FAM13B: variants seen among roughly 807,000 people sequenced by gnomAD.
FAM13B encodes the protein protein FAM13B.
Under a neutral mutation model 117.3 loss-of-function variants are expected in FAM13B, and 60 were observed. The observed-to-expected ratio is 0.51, with a 90% CI of 0.42 to 0.63. FAM13B has a LOEUF of 0.63. Among genes scored for constraint, FAM13B ranks in the 30% least tolerant of loss-of-function variants. The probability of loss-of-function intolerance (pLI) is 0.00; values close to 1 mark genes in which losing one functional copy is unlikely to be tolerated. For synonymous variants in FAM13B, 332 were observed against 356.1 expected, an observed-to-expected ratio of 0.93 and a Z score of 0.76; for missense variants, 972 against 1,091.9, an observed-to-expected ratio of 0.89 and a Z score of 1.55.
intron 14 of FAM13B, among the ~76,000 whole-genome samples, chr5:137,955,655 G>T (rs1252084471): frequency 6.6e-6 from 1 of 151,932 alleles, no homozygotes; most frequent in Admixed American, 6.6e-5. Flanking sequence ...TTTTAGAGAT[G>T]GAGTCTTGCT....
At chr5:138,019,249 C>T in intron 2 of FAM13B, 103 bp from the exon 3 acceptor site, 5 of 1,000,460 alleles carry the variant, frequency 5.0e-6, no homozygotes, top group Non-Finnish European at 7.2e-6. Flanking sequence ...GTGTTCTCAT[C>T]TATTTAAATG....
At chr5:138,017,566 C>T (rs188126819) in intron 4 of FAM13B, among the ~76,000 whole-genome samples, 1 of 152,158 alleles carries the variant, frequency 6.6e-6, no homozygotes, top group African/African-American at 2.4e-5. Context: ...GCCAACTTTA[C>T]ACATTTTCCT....
chr5:137,967,965 T>C (rs138444998), intron 10 of FAM13B, among the ~76,000 whole-genome samples: 148 of 152,252 alleles, frequency 9.7e-4, no homozygotes, highest in South Asian at 1.4e-3. Context: ...GGCTCACACC[T>C]GTAATCCCAG....
rs1382640382 is a variant in FAM13B at position 137,940,244 on chromosome 5, T to C, written c.2795A>G (p.Asp932Gly). 1.2e-6 allele frequency: 2 copies of C among 1,614,062 alleles called. No individual in the cohort carries two copies. Among genetic ancestry groups the C allele is most frequent in the East Asian group, 2.2e-5 (1 of 44,872 alleles). Reference sequence around the variant, plus strand: ...CGTATCTTATATGGATTTTGAAGAATCTTGTTTGCTTATAAGAACTTCAAG... The same window carrying C: ...CGTATCTTATATGGATTTTGAAGAACCTTGTTTGCTTATAAGAACTTCAAG... ...RLLEVLISKQ[D>G]SSKSI is the part of the protein sequence containing the mutation. Residue 932 changes from aspartate (D) to glycine (G), a missense_variant, in exon 24 of 24, where the codon GAT becomes GGT. Physicochemically the swap from Asp to Gly is moderately conservative, Grantham distance 94. Coordinates refer to ENST00000689681, the MANE Select transcript of FAM13B (RefSeq NM_001385994.1).
intron 1 of FAM13B, among the ~76,000 whole-genome samples, chr5:138,045,334 G>T (rs1303328625): frequency 6.6e-6 from 1 of 151,958 alleles, no homozygotes; most frequent in Non-Finnish European, 1.5e-5. Flanking sequence ...AGGAGTTCGA[G>T]ACAAGCCTGG....
intron 9 of FAM13B, among the ~76,000 whole-genome samples, chr5:137,986,541 A>G (rs940924457): frequency 1.3e-5 from 2 of 152,160 alleles, no homozygotes; most frequent in Admixed American, 6.5e-5. Context: ...AAACAAAGAG[A>G]GGCTTTCCTT....
rs775026600 is a variant in FAM13B at position 138,018,313 on chromosome 5, T to C, written c.359A>G (p.Gln120Arg). The C allele has an allele frequency of 6.2e-7, 1 of 1,613,670 alleles. No individual in the cohort carries two copies. ...TCAAATTATGTTACCTTGAGAAAGC[T>C]GCATCAAGTGAATATGTAAACTGCC... Reference protein sequence around the residue: ...IPGSLHIHLMQLSQDYNNEDE... With the variant: ...IPGSLHIHLMRLSQDYNNEDE... The change falls in exon 4 of 24, where the codon CAG (glutamine) becomes CGG (arginine). Residue 120 changes from glutamine (Q) to arginine (R), a missense_variant. Gln to Arg is a conservative substitution (Grantham distance 43, BLOSUM62 1). Transcript: ENST00000689681.
chr5:138,018,921 C>A, intron 3 of FAM13B, 34 bp downstream of exon 3: 1 of 1,534,146 alleles, frequency 6.5e-7, no homozygotes, highest in Non-Finnish European at 8.8e-7. Flanking sequence ...TTTATTAAAA[C>A]AAAAGCTAGC....
At chr5:138,021,358 C>T (rs112739129) in intron 1 of FAM13B, among the ~76,000 whole-genome samples, 161 bp from the exon 2 acceptor site, 21 of 152,252 alleles carry the variant, frequency 1.4e-4, no homozygotes, top group Non-Finnish European at 2.2e-4. Context: ...AACCTTGCAA[C>T]GGTTTCAGAT....
chr5:137,949,035 A>G lies in FAM13B; in HGVS notation c.2080T>C (p.Ser694Pro). The G allele has an allele frequency of 6.2e-7, 1 of 1,614,048 alleles. No individual in the cohort carries two copies. The highest frequency in any genetic ancestry group is 8.5e-7 in the Non-Finnish European group (1 of 1,180,018). Residue 694 changes from serine to proline, a missense_variant, in exon 18 of 24, where the codon TCT (serine) becomes CCT (proline). Physicochemically the swap from Ser to Pro is moderately conservative, Grantham distance 74 (BLOSUM62 -1). Transcript: ENST00000689681. ...ATAAGTTCAAGGGTTGCTTCTTTAG[A>G]TGGTTTTTTCTCCTTCTGAATGACC... The part of the protein sequence containing the change: ...PKVIQKEKKP[S>P]KEATLELILK...
intron 17 of FAM13B, among the ~76,000 whole-genome samples, chr5:137,950,276 A>C (rs1384438313): frequency 6.6e-6 from 1 of 152,240 alleles, no homozygotes; most frequent in African/African-American, 2.4e-5. Flanking sequence ...GACCTCTCTG[A>C]ATAGTATCAT....
intron 4 of FAM13B, among the ~76,000 whole-genome samples, chr5:138,012,216 C>CT (rs36054299): frequency 0.62 from 74,984 of 120,644 alleles, 24,147 homozygotes; most frequent in East Asian, 0.94. Flanking sequence ...CCCCAATTCT[C>CT]TTTTTTTTTT....
intron 7 of FAM13B, among the ~76,000 whole-genome samples, chr5:137,994,008 T>C (rs1779268316): frequency 6.6e-6 from 1 of 152,156 alleles, no homozygotes; most frequent in Non-Finnish European, 1.5e-5. Context: ...TTTCCAGTTA[T>C]TCAAAGGAGA....
At chr5:138,008,326 C>G (rs1783053744) in intron 6 of FAM13B, among the ~76,000 whole-genome samples, 1 of 152,154 alleles carries the variant, frequency 6.6e-6, no homozygotes, top group South Asian at 2.1e-4. Context: ...CTTGTAGTCC[C>G]AGCTACTTGA....
intron 1 of FAM13B, among the ~76,000 whole-genome samples, chr5:138,041,987 G>A (rs1402083883): frequency 6.6e-6 from 1 of 151,998 alleles, no homozygotes; most frequent in Non-Finnish European, 1.5e-5. Flanking sequence ...TTTGAGCCCG[G>A]AAGTTCAAGG....
intron 7 of FAM13B, among the ~76,000 whole-genome samples, chr5:137,996,901 C>T (rs1354506522): frequency 6.6e-6 from 1 of 152,138 alleles, no homozygotes; most frequent in Admixed American, 6.6e-5. Flanking sequence ...CCCAATTTTT[C>T]ATCTTTCTAA....
At chr5:137,942,694 T>C in intron 22 of FAM13B, 181 bp downstream of exon 22, 2 of 578,494 alleles carry the variant, frequency 3.5e-6, no homozygotes, top group Non-Finnish European at 5.8e-6. Flanking sequence ...AATACAGTAA[T>C]GTTTTATTTA....
chr5:138,006,268 T>C (rs776433155), intron 7 of FAM13B, among the ~76,000 whole-genome samples: 1 of 152,152 alleles, frequency 6.6e-6, no homozygotes, highest in Non-Finnish European at 1.5e-5. Context: ...GGACTAAATA[T>C]ATAGCTGGAT....
At position 137,987,563 on chromosome 5, in the gene FAM13B, T is replaced by C. The variant is rs1777553589; in HGVS notation, c.944A>G (p.Gln315Arg). The change falls in exon 9 of 24, where the codon CAG becomes CGG. Residue 315 changes from glutamine (Q) to arginine (R), a missense_variant. Coordinates refer to ENST00000689681, the MANE Select transcript of FAM13B (RefSeq NM_001385994.1). ...AAVEQHLFDL[Q>R]SSIDHDLKNL... ...CTTAAGATCATGATCTATGCTGCTC[T>C]GAAGATCAAAAAGGTGCTGTTCCAC... is the stretch of plus-strand genomic sequence containing the variant. 6.2e-7 allele frequency: 1 copy of C among 1,613,158 alleles called. No individual in the cohort carries two copies. Among genetic ancestry groups the C allele is most frequent in the East Asian group, 2.2e-5 (1 of 44,782 alleles).
Sources: allele counts gnomAD v4.1 joint callset (sites outside exome capture counted in the v4.1 genomes callset), GRCh38; gene constraint gnomAD v4.1.1; transcripts MANE v1.5; gene names NCBI Gene and HGNC (gene_info 2026-07-23, HGNC 2026-07-21).